The following BIRC5 variants were observed in gnomAD, a reference collection of about 807,000 sequenced individuals.
BIRC5 encodes baculoviral IAP repeat containing 5.
Under a neutral mutation model 15.8 loss-of-function variants are expected in BIRC5, and 8 were observed. The observed-to-expected ratio is 0.51, with a 90% CI of 0.30 to 0.91. The LOEUF (loss-of-function observed/expected upper bound fraction) is 0.91, where lower values mean the gene tolerates loss of function less well. Ranked by LOEUF, BIRC5 falls within the 40% of genes least tolerant of loss-of-function variation. The pLI is 0.07. For synonymous variants in BIRC5, 56 were observed against 64.5 expected (o/e 0.87, Z 0.63); for missense variants, 163 against 178.6 (o/e 0.91, Z 0.50).
intron 3 of BIRC5, among the ~76,000 whole-genome samples, chr17:78,217,958 ATTT>A (rs55885539): frequency 0.61 from 91,469 of 150,620 alleles, 28,059 homozygotes; most frequent in Middle Eastern, 0.75. Context: ...TGCCCACCTT[ATTT>A]ATTTATTTAT....
chr17:78,217,212 G>C (rs1311945433), intron 3 of BIRC5, among the ~76,000 whole-genome samples: 2 of 147,240 alleles, frequency 1.4e-5, no homozygotes, highest in East Asian at 2.0e-4. Flanking sequence ...GTTTCACTCT[G>C]TTACCCAGGC....
intron 2 of BIRC5, 82 bp from the exon 3 acceptor site, chr17:78,216,582 G>A: frequency 8.8e-7 from 1 of 1,134,554 alleles, no homozygotes; most frequent in Non-Finnish European, 1.3e-6. Flanking sequence ...CCTGTGGAGG[G>A]CGTGGGGAGG....
At chr17:78,216,601 G>T in intron 2 of BIRC5, 63 bp from the exon 3 acceptor site, 1 of 1,446,486 alleles carries the variant, frequency 6.9e-7, no homozygotes. Flanking sequence ...GGTGGCCCGT[G>T]GGGAGTGGAC....
Position 78,220,264 on chromosome 17 carries a change from TA to T in BIRC5, c.340-3196del, listed in dbSNP as rs1042830589. Among the ~76,000 whole-genome samples the T allele has an allele frequency of 1.4e-4, 21 of 150,578 alleles. No individual in the cohort carries two copies. In the Admixed American group the frequency reaches 1.4e-3, roughly 10 times the overall value. On this transcript the variant is annotated intron_variant, in intron 3 of 3. Transcript: ENST00000350051. ...TAACATGGTGAAACCCCGTCTTTACTAAAAATACAAAAAATTAGCTGGGCGT... is the reference window on the plus strand; with the variant it reads ...TAACATGGTGAAACCCCGTCTTTACTAAAATACAAAAAATTAGCTGGGCGT...
chr17:78,218,114 A>C (rs2076492391), intron 3 of BIRC5, among the ~76,000 whole-genome samples: 5 of 149,170 alleles, frequency 3.4e-5, no homozygotes, highest in Admixed American at 3.3e-4. Flanking sequence ...CCCAGCTAGG[A>C]ATCATTTTTA....
intron 2 of BIRC5, among the ~76,000 whole-genome samples, chr17:78,215,619 C>T (rs2076472418): frequency 6.6e-6 from 1 of 152,016 alleles, no homozygotes; most frequent in South Asian, 2.1e-4. Flanking sequence ...ATTTTTTTCC[C>T]CTGGAGAATC....
chr17:78,216,642 G>T, intron 2 of BIRC5, 22 bp from the exon 3 acceptor site: 1 of 1,608,542 alleles, frequency 6.2e-7, no homozygotes, highest in Non-Finnish European at 8.5e-7. Context: ...CTGCCTTTCC[G>T]CTGTTGTTTT....
At chr17:78,215,556 A>G (rs1365021574) in intron 2 of BIRC5, among the ~76,000 whole-genome samples, 4 of 151,824 alleles carry the variant, frequency 2.6e-5, no homozygotes, top group East Asian at 3.9e-4. Flanking sequence ...CTGTAATGCC[A>G]TATTCTTTTC....
chr17:78,214,571 G>C (rs1325549312), intron 1 of BIRC5, 109 bp from the exon 2 acceptor site: 1 of 1,289,570 alleles, frequency 7.8e-7, no homozygotes, highest in Non-Finnish European at 1.0e-6. Flanking sequence ...GGGCCCCTTG[G>C]GTCCAGGCCG....
In BIRC5 at chr17:78,224,061, TTTG is replaced by T. The variant is rs796286916; in HGVS notation, c.*510_*512del. On this transcript the variant is annotated 3_prime_UTR_variant, in exon 4 of 4. Transcript: ENST00000350051. ...GACAGTTTTTTTGTTGTTGTGTTTT[TTTG>T]TTTTTTTTTTTTTGGTAGATGCATG... The T allele has an allele frequency of 2.2e-3, 297 of 134,180 alleles. 6 individuals are homozygous for T. Among genetic ancestry groups the T allele is most frequent in the African/African-American group, 6.3e-3 (202 of 32,038 alleles). 8.3% of individuals were successfully genotyped at this position (134,180 alleles called of 1,614,324 possible). A position where few individuals can be genotyped will look rare whatever the true frequency, so the allele number is the denominator to read the frequency against.
At chr17:78,218,271 T>C (rs2076493440) in intron 3 of BIRC5, among the ~76,000 whole-genome samples, 1 of 120,318 alleles carries the variant, frequency 8.3e-6, no homozygotes, top group Admixed American at 8.4e-5. Context: ...CTGGGCTTTA[T>C]TTATTTATTT....
At chr17:78,220,278 A>G (rs2076506220) in intron 3 of BIRC5, among the ~76,000 whole-genome samples, 1 of 152,112 alleles carries the variant, frequency 6.6e-6, no homozygotes, top group African/African-American at 2.4e-5. Context: ...AATACAAAAA[A>G]TTAGCTGGGC....
At chr17:78,215,238 G>C (rs17886304) in intron 2 of BIRC5, 1 of 156,856 alleles carries the variant, frequency 6.4e-6, no homozygotes, top group Non-Finnish European at 1.4e-5. Context: ...CCAACTTGGC[G>C]AAACCCCGTC....
At position 78,224,706 on chromosome 17, in the gene BIRC5, T is replaced by C. The variant is rs2076538563; in HGVS notation, c.*1152T>C. 6.6e-6 allele frequency: 1 copy of C among 152,242 alleles called. No homozygotes were observed. The highest frequency in any genetic ancestry group is 1.5e-5 in the Non-Finnish European group (1 of 68,060). 9.4% of individuals were successfully genotyped at this position (152,242 alleles called of 1,614,324 possible). On this transcript the variant is annotated 3_prime_UTR_variant, in exon 4 of 4. Transcript: ENST00000350051. ...AAAAGCCTGTCATTTCAAACACTGCTGTGGACCCTACTGGGTTTTTAAAAT... is the reference window on the plus strand; with the variant it reads ...AAAAGCCTGTCATTTCAAACACTGCCGTGGACCCTACTGGGTTTTTAAAAT...
At chr17:78,215,583 C>T (rs1476596619) in intron 2 of BIRC5, among the ~76,000 whole-genome samples, 1 of 151,974 alleles carries the variant, frequency 6.6e-6, no homozygotes, top group East Asian at 1.9e-4. Context: ...TTTTTTCTGT[C>T]GGATTCAGTT....
chr17:78,214,546 G>A, intron 1 of BIRC5, 119 bp downstream of exon 1: 1 of 1,251,318 alleles, frequency 8.0e-7, no homozygotes, highest in Non-Finnish European at 1.1e-6. Flanking sequence ...TGTCCCCAGC[G>A]AGGCCACTGT....
intron 2 of BIRC5, among the ~76,000 whole-genome samples, chr17:78,215,609 A>C (rs2076472337): frequency 6.6e-6 from 1 of 151,496 alleles, no homozygotes; most frequent in Non-Finnish European, 1.5e-5. Flanking sequence ...CACAGCTTTA[A>C]TTTTTTTCCC....
At chr17:78,216,851 AAAGG>A in intron 3 of BIRC5, 70 bp downstream of exon 3, 3 of 1,170,878 alleles carry the variant, frequency 2.6e-6, no homozygotes, top group Non-Finnish European at 3.7e-6. Context: ...CTAGTCCCTC[AAAGG>A]GACTCTGTGT....
Position 78,214,403 on chromosome 17 carries a change from G to A in BIRC5, c.87G>A (p.Glu29=). 1 of 1,592,040 alleles carries A rather than the reference G, an allele frequency of 6.3e-7. No homozygotes were observed. Among genetic ancestry groups the A allele is most frequent in the South Asian group, 1.1e-5 (1 of 89,104 alleles). ...CATTCAAGAACTGGCCCTTCTTGGAGGGCTGCGCCTGCACCCCGGAGCGGG... is the reference window on the plus strand; with the variant it reads ...CATTCAAGAACTGGCCCTTCTTGGAAGGCTGCGCCTGCACCCCGGAGCGGG... ...ISTFKNWPFL[E]GCACTPERMA... The change falls in exon 1 of 4, where the codon GAG becomes GAA. Residue 29 remains glutamate, a synonymous_variant. Transcript: ENST00000350051.
Sources: allele counts gnomAD v4.1 joint callset (sites outside exome capture counted in the v4.1 genomes callset), GRCh38; gene constraint gnomAD v4.1.1; transcripts MANE v1.5; gene names NCBI Gene and HGNC (gene_info 2026-07-23, HGNC 2026-07-21).